Variants in TMEM135 observed in about 807,000 individuals in gnomAD.
TMEM135 encodes peroxisomal membrane protein 52.
TMEM135 carries 30 observed loss-of-function variants against 60.3 expected under a neutral mutation model. The observed-to-expected ratio is 0.50, with a 90% CI of 0.37 to 0.68. The LOEUF (loss-of-function observed/expected upper bound fraction) is 0.68. Among genes scored for constraint, TMEM135 ranks in the 30% least tolerant of loss-of-function variants. TMEM135 has a pLI of 0.00. For synonymous variants in TMEM135, 190 were observed against 186.7 expected (o/e 1.02, Z -0.14); for missense variants, 468 against 548.8 (o/e 0.85, Z 1.47).
At chr11:87,086,486 A>T (rs1278993773) in intron 3 of TMEM135, among the ~76,000 whole-genome samples, 1 of 152,086 alleles carries the variant, frequency 6.6e-6, no homozygotes, top group Non-Finnish European at 1.5e-5. Flanking sequence ...GCAGAGAAGA[A>T]TTTTATTAAG....
At position 87,061,879 on chromosome 11, in the gene TMEM135, C is replaced by T. The variant is rs78629088; in HGVS notation, c.142-5815C>T. Reference sequence around the variant, plus strand: ...GACCTTATAATTTTGTATCACTCTTCAGTCTGTGCCCATCGTATTAGTCAG... The same window carrying T: ...GACCTTATAATTTTGTATCACTCTTTAGTCTGTGCCCATCGTATTAGTCAG... On this transcript the variant is annotated intron_variant, in intron 1 of 14. Transcript: ENST00000305494. Among the ~76,000 whole-genome samples, 752 of 152,348 alleles carry T rather than the reference C, an allele frequency of 4.9e-3. 6 individuals are homozygous for T. The highest frequency in any genetic ancestry group is 0.017 in the African/African-American group (699 of 41,582).
intron 4 of TMEM135, among the ~76,000 whole-genome samples, chr11:87,124,786 T>C (rs1255497649): frequency 6.6e-6 from 1 of 152,100 alleles, no homozygotes; most frequent in Non-Finnish European, 1.5e-5. Flanking sequence ...CTTCCCTTCA[T>C]TTATCCCTTC....
At chr11:87,295,317 T>C (rs1355311314) in intron 6 of TMEM135, among the ~76,000 whole-genome samples, 1 of 152,192 alleles carries the variant, frequency 6.6e-6, no homozygotes, top group Non-Finnish European at 1.5e-5. Context: ...TTGAAACCTT[T>C]CTGTGCCTGC....
chr11:87,305,704 G>A (rs761027973), intron 8 of TMEM135, among the ~76,000 whole-genome samples: 2 of 152,082 alleles, frequency 1.3e-5, no homozygotes, highest in Non-Finnish European at 2.9e-5. Flanking sequence ...AACCTGGGAG[G>A]CAGAGGTTGC....
At chr11:87,144,898 A>G (rs1938369377) in intron 4 of TMEM135, among the ~76,000 whole-genome samples, 1 of 152,178 alleles carries the variant, frequency 6.6e-6, no homozygotes, top group African/African-American at 2.4e-5. Flanking sequence ...ACAATGTGGA[A>G]TAATTAAATC....
intron 4 of TMEM135, chr11:87,096,196 A>C: frequency 3.3e-6 from 1 of 306,498 alleles, no homozygotes; most frequent in East Asian, 9.2e-5. Flanking sequence ...TATCCGTTAA[A>C]CTCTTCTACA....
At chr11:87,162,212 A>C (rs1024287390) in intron 5 of TMEM135, among the ~76,000 whole-genome samples, 6 of 150,886 alleles carry the variant, frequency 4.0e-5, no homozygotes, top group African/African-American at 1.2e-4. Context: ...TTTTTTGGAG[A>C]GTTTATTAAA....
chr11:87,090,891 T>C (rs1175922537), intron 3 of TMEM135, among the ~76,000 whole-genome samples: 1 of 152,136 alleles, frequency 6.6e-6, no homozygotes, highest in East Asian at 1.9e-4. Context: ...ATTTGTAATA[T>C]TATTTAATGA....
At chr11:87,043,137 T>TAG (rs775614193) in intron 1 of TMEM135, among the ~76,000 whole-genome samples, 8 of 151,692 alleles carry the variant, frequency 5.3e-5, no homozygotes, top group African/African-American at 1.9e-4. Flanking sequence ...GTATTTTTAG[T>TAG]AGAGACGGGG....
rs1214206212 is a variant in TMEM135, at chr11:87,236,686, T to C, written c.509+2T>C. The C allele has an allele frequency of 6.2e-7, 1 of 1,611,388 alleles. No individual in the cohort carries two copies. Among genetic ancestry groups the C allele is most frequent in the Admixed American group, 1.7e-5 (1 of 59,818 alleles). ...TGCCATGTACATGTTCTTTTTCAGG[T>C]ATGTTCTGTTATACTTATTTACTTT... On this transcript the variant is annotated splice_donor_variant, in intron 6 of 14. Transcript: ENST00000305494. LOFTEE classifies it high-confidence loss of function.
At chr11:87,161,961 G>T (rs866017308) in intron 5 of TMEM135, among the ~76,000 whole-genome samples, 1 of 152,028 alleles carries the variant, frequency 6.6e-6, no homozygotes, top group Non-Finnish European at 1.5e-5. Flanking sequence ...AAAACTGGCC[G>T]GTATCTCTAG....
intron 4 of TMEM135, among the ~76,000 whole-genome samples, chr11:87,113,785 G>A (rs1857811480): frequency 6.6e-6 from 1 of 151,980 alleles, no homozygotes; most frequent in Non-Finnish European, 1.5e-5. Flanking sequence ...CTTACTGGTT[G>A]TATAATGATC....
intron 5 of TMEM135, among the ~76,000 whole-genome samples, chr11:87,215,722 G>T (rs1404169491): frequency 6.6e-6 from 1 of 152,186 alleles, no homozygotes; most frequent in East Asian, 1.9e-4. Flanking sequence ...AAGTCAAATG[G>T]CAAGGGAAGT....
chr11:87,228,815 G>T (rs1591120799), intron 5 of TMEM135, among the ~76,000 whole-genome samples: 2 of 152,250 alleles, frequency 1.3e-5, no homozygotes, highest in South Asian at 4.1e-4. Flanking sequence ...AGTAAAAACA[G>T]CTTTCTTTAA....
At chr11:87,101,787 C>G (rs1404572113) in intron 4 of TMEM135, among the ~76,000 whole-genome samples, 1 of 152,124 alleles carries the variant, frequency 6.6e-6, no homozygotes, top group Non-Finnish European at 1.5e-5. Flanking sequence ...CCAGCCTGAC[C>G]AACATGGATA....
intron 5 of TMEM135, among the ~76,000 whole-genome samples, chr11:87,158,458 G>T (rs367847567): frequency 7.1e-6 from 1 of 140,708 alleles, no homozygotes; most frequent in Non-Finnish European, 1.5e-5. Flanking sequence ...AAATCACCTT[G>T]GTATAATTTT....
At chr11:87,315,533 A>G (rs951372121) in intron 12 of TMEM135, among the ~76,000 whole-genome samples, 3 of 151,952 alleles carry the variant, frequency 2.0e-5, no homozygotes, top group African/African-American at 7.2e-5. Context: ...CAGTAGCCCT[A>G]TAGCTATTGG....
intron 5 of TMEM135, among the ~76,000 whole-genome samples, chr11:87,225,850 T>A (rs1312599293): frequency 1.3e-5 from 2 of 152,164 alleles, no homozygotes; most frequent in Non-Finnish European, 2.9e-5. Context: ...CCAATTGCCT[T>A]ATCTTTAAAG....
intron 1 of TMEM135, among the ~76,000 whole-genome samples, chr11:87,055,740 G>A (rs1949888298): frequency 1.3e-5 from 2 of 151,948 alleles, no homozygotes; most frequent in African/African-American, 2.4e-5. Flanking sequence ...ACAAGTATGC[G>A]CCACCATGCT....
Sources: gnomAD v4.1 joint callset for allele counts (sites outside exome capture counted in the v4.1 genomes callset) on GRCh38, gnomAD v4.1.1 for gene constraint, MANE v1.5 for transcripts, NCBI Gene and HGNC (gene_info 2026-07-23, HGNC 2026-07-21) for gene names.